The following STAG1 variants were observed in gnomAD, a reference collection of about 807,000 sequenced individuals.
STAG1 encodes cohesin subunit SA-1.
STAG1 carries 26 observed loss-of-function variants against 170.9 expected under a neutral mutation model. The observed-to-expected ratio is 0.15, with a 90% CI of 0.11 to 0.21. The LOEUF is 0.21. Ranked by LOEUF, STAG1 falls within the 10% of genes least tolerant of loss-of-function variation. STAG1 has a pLI of 1.00. For missense variants in STAG1, 964 were observed against 1,509.5 expected (o/e 0.64, Z 5.99); for synonymous variants, 514 against 497.7 (o/e 1.03, Z -0.44).
At chr3:136,646,719 A>C (rs1464994266) in intron 1 of STAG1, among the ~76,000 whole-genome samples, 2 of 152,128 alleles carry the variant, frequency 1.3e-5, no homozygotes, top group Non-Finnish European at 2.9e-5. Context: ...CAGCCTGGCC[A>C]ACATGGTGAA....
At chr3:136,690,147 G>A (rs1576768252) in intron 1 of STAG1, among the ~76,000 whole-genome samples, 1 of 148,890 alleles carries the variant, frequency 6.7e-6, no homozygotes, top group East Asian at 2.0e-4. Flanking sequence ...TCTTTTAATA[G>A]TCAACACAGC....
chr3:136,615,424 C>CAA (rs35713077), intron 3 of STAG1, among the ~76,000 whole-genome samples: 3,138 of 33,212 alleles, frequency 0.094, 585 homozygotes, highest in Non-Finnish European at 0.13. Context: ...AGACTTTGTC[C>CAA]AAAAAAAAAA....
At chr3:136,381,257 G>A (rs1158582370) in intron 22 of STAG1, among the ~76,000 whole-genome samples, 2 of 152,032 alleles carry the variant, frequency 1.3e-5, no homozygotes, top group Admixed American at 1.3e-4. Context: ...TGCTCAAGGA[G>A]AATACACAGA....
At chr3:136,555,402 G>A (rs944578486) in intron 5 of STAG1, among the ~76,000 whole-genome samples, 1 of 151,886 alleles carries the variant, frequency 6.6e-6, no homozygotes, top group Non-Finnish European at 1.5e-5. Flanking sequence ...AGTGAATCAC[G>A]ACTGGGCACA....
rs763199787 is a variant in STAG1, at chr3:136,398,824, G to A, written c.2202C>T (p.Val734=). The A allele has an allele frequency of 3.2e-6, 5 of 1,563,216 alleles. No homozygotes were observed. Among genetic ancestry groups the A allele is most frequent in the East Asian group, 2.4e-5 (1 of 42,482 alleles). The change falls in exon 22 of 34, where the codon GTC becomes GTT. Residue 734 remains valine, a synonymous_variant. Transcript: ENST00000383202. ...IEHGAMPEQI[V]VQALQCSHYS... ...AATGGGAACACTGCAGTGCTTGCAC[G>A]ACTATCTGTATCAAATGAAAAAAAA...
At chr3:136,404,245 G>C (rs2087416946) in intron 21 of STAG1, among the ~76,000 whole-genome samples, 1 of 152,128 alleles carries the variant, frequency 6.6e-6, no homozygotes, top group African/African-American at 2.4e-5. Context: ...AGCCTGGAGA[G>C]GATCATCAAA....
chr3:136,390,616 C>G (rs1261335256), intron 22 of STAG1, among the ~76,000 whole-genome samples: 1 of 152,126 alleles, frequency 6.6e-6, no homozygotes, highest in Non-Finnish European at 1.5e-5. Flanking sequence ...CAAAGATTCT[C>G]TAAGAAAAGA....
intron 1 of STAG1, among the ~76,000 whole-genome samples, chr3:136,745,788 T>C (rs1174252611): frequency 6.6e-6 from 1 of 151,946 alleles, no homozygotes; most frequent in Non-Finnish European, 1.5e-5. Context: ...AGAATTGCTG[T>C]AGGCCATACA....
chr3:136,606,749 G>C (rs922849941), intron 3 of STAG1, among the ~76,000 whole-genome samples: 1 of 135,308 alleles, frequency 7.4e-6, no homozygotes. Flanking sequence ...GAGGTAACAT[G>C]CTTTTTTTTT....
chr3:136,602,986 A>T (rs1938744961), intron 4 of STAG1, among the ~76,000 whole-genome samples: 1 of 152,154 alleles, frequency 6.6e-6, no homozygotes, highest in East Asian at 1.9e-4. Context: ...ATTTAGCATC[A>T]TCCCACTAAT....
intron 22 of STAG1, among the ~76,000 whole-genome samples, chr3:136,398,477 A>AT (rs2087231155): frequency 6.6e-6 from 1 of 152,012 alleles, no homozygotes; most frequent in South Asian, 2.1e-4. Context: ...TACTACAGTG[A>AT]TTTTATATAA....
intron 2 of STAG1, 25 bp downstream of exon 2, chr3:136,630,845 A>G (rs1230578430): frequency 5.9e-6 from 9 of 1,516,090 alleles, no homozygotes; most frequent in Admixed American, 2.1e-5. Flanking sequence ...AAAAAATATA[A>G]AAAAAAGAAA....
At chr3:136,485,710 G>A (rs2089995729) in intron 9 of STAG1, among the ~76,000 whole-genome samples, 1 of 152,100 alleles carries the variant, frequency 6.6e-6, no homozygotes, top group East Asian at 1.9e-4. Flanking sequence ...TTGATTCAGT[G>A]AATATCAATT....
intron 3 of STAG1, among the ~76,000 whole-genome samples, chr3:136,604,796 C>T (rs944414849): frequency 2.6e-5 from 4 of 151,858 alleles, no homozygotes; most frequent in African/African-American, 9.7e-5. Flanking sequence ...GATTACAGAC[C>T]CCACCACCAC....
intron 20 of STAG1, among the ~76,000 whole-genome samples, 191 bp downstream of exon 20, chr3:136,420,902 G>A (rs1315243889): frequency 6.6e-6 from 1 of 152,166 alleles, no homozygotes; most frequent in African/African-American, 2.4e-5. Context: ...TCCTGCCTCA[G>A]CCTCCTGAGT....
chr3:136,715,168 T>C (rs1015542249), intron 1 of STAG1, among the ~76,000 whole-genome samples: 1 of 92,840 alleles, frequency 1.1e-5, no homozygotes, highest in Non-Finnish European at 2.0e-5. Flanking sequence ...TGGGGTTTTT[T>C]AACTTTTTTT....
chr3:136,731,238 T>C (rs759328792), intron 1 of STAG1, among the ~76,000 whole-genome samples: 8 of 151,708 alleles, frequency 5.3e-5, no homozygotes, highest in Admixed American at 1.3e-4. Flanking sequence ...ACTACAAAAC[T>C]TTACTACAAA....
intron 1 of STAG1, among the ~76,000 whole-genome samples, chr3:136,737,761 T>C (rs1202266270): frequency 6.6e-6 from 1 of 152,042 alleles, no homozygotes; most frequent in African/African-American, 2.4e-5. Flanking sequence ...AAATAGACAA[T>C]AAATGAGCAC....
At chr3:136,552,300 C>T (rs1050941709) in intron 5 of STAG1, among the ~76,000 whole-genome samples, 4 of 152,104 alleles carry the variant, frequency 2.6e-5, no homozygotes, top group Non-Finnish European at 4.4e-5. Context: ...TGAAAAATTT[C>T]AGCATTAGAA....
Sources: allele counts gnomAD v4.1 joint callset (sites outside exome capture counted in the v4.1 genomes callset), GRCh38; gene constraint gnomAD v4.1.1; transcripts MANE v1.5; gene names NCBI Gene and HGNC (gene_info 2026-07-23, HGNC 2026-07-21).